ITSN2: variants seen among roughly 807,000 people sequenced by gnomAD.
The protein encoded by ITSN2 is intersectin-2.
ITSN2 carries 156 observed loss-of-function variants against 243.7 expected under a neutral mutation model. The observed-to-expected ratio is 0.64, with a 90% CI of 0.56 to 0.73. The LOEUF (loss-of-function observed/expected upper bound fraction) is 0.73. ITSN2 is among the 30% of genes least tolerant of loss of function. ITSN2 has a pLI of 0.00. For missense variants in ITSN2, 1,801 were observed against 1,996.1 expected (o/e 0.90, Z 1.86); for synonymous variants, 703 against 699.9 (o/e 1.00, Z -0.07).
intron 30 of ITSN2, among the ~76,000 whole-genome samples, chr2:24,218,385 T>C (rs1350289438): frequency 1.3e-5 from 2 of 152,234 alleles, no homozygotes; most frequent in African/African-American, 2.4e-5. Context: ...TGGAGCATCG[T>C]AGAGTTCTAG....
intron 20 of ITSN2, among the ~76,000 whole-genome samples, chr2:24,268,038 T>C (rs1024770752): frequency 1.3e-5 from 2 of 152,242 alleles, no homozygotes; most frequent in African/African-American, 4.8e-5. Flanking sequence ...TTAATTTACA[T>C]ACTGAGTTAA....
intron 1 of ITSN2, among the ~76,000 whole-genome samples, chr2:24,338,375 A>T (rs2151895234): frequency 6.6e-6 from 1 of 152,220 alleles, no homozygotes; most frequent in Admixed American, 6.5e-5. Context: ...TCTTAAATGT[A>T]TTTGATTGAA....
At chr2:24,322,242 G>A (rs1409055651) in intron 2 of ITSN2, among the ~76,000 whole-genome samples, 1 of 152,160 alleles carries the variant, frequency 6.6e-6, no homozygotes, top group East Asian at 1.9e-4. Context: ...CTTCAAGTAA[G>A]TCTCATAAGA....
Position 24,204,798 on chromosome 2 carries a change from G to A in ITSN2, c.4763-380C>T, listed in dbSNP as rs1160867702. 1 of 469,010 alleles carries A rather than the reference G, an allele frequency of 2.1e-6. No homozygotes were observed. Among genetic ancestry groups the A allele is most frequent in the Non-Finnish European group, 4.2e-6 (1 of 236,102 alleles). 29.1% of individuals were successfully genotyped at this position (469,010 alleles called of 1,614,324 possible). The stretch of plus-strand genomic sequence containing the variant: ...CCAATATGCGCATTTTAGTGGCACT[G>A]GACACACTGTTAGAAAGCATTCCTT... On this transcript the variant is annotated intron_variant, in intron 38 of 39. Coordinates refer to ENST00000355123, the MANE Select transcript of ITSN2 (RefSeq NM_006277.3). The surrounding 1 kb of genome is among the most constrained non-coding windows in gnomAD (Gnocchi z 5.1).
Position 24,284,059 on chromosome 2 carries a change from C to A in ITSN2, c.1944+704G>T, listed in dbSNP as rs892250353. Among the ~76,000 whole-genome samples the A allele has an allele frequency of 1.2e-4, 19 of 152,134 alleles. 1 individual carries two copies. ...GAATATATATGCATATAGGCAACTG[C>A]CCTATTGCTATCCATTTTAGTACTG... On this transcript the variant is annotated intron_variant, in intron 17 of 39. Transcript: ENST00000355123.
chr2:24,253,635 C>G (rs936174684), intron 24 of ITSN2, among the ~76,000 whole-genome samples: 5 of 152,268 alleles, frequency 3.3e-5, no homozygotes, highest in Non-Finnish European at 7.3e-5. Flanking sequence ...TTTATCACAA[C>G]TGTATGCTCC....
intron 2 of ITSN2, among the ~76,000 whole-genome samples, chr2:24,323,655 T>A (rs1452436153): frequency 6.6e-6 from 1 of 152,170 alleles, no homozygotes; most frequent in Non-Finnish European, 1.5e-5. Flanking sequence ...TATATATAGT[T>A]TTAGAAACTC....
At chr2:24,334,800 A>C (rs1360898346) in intron 1 of ITSN2, 1 of 1,298,682 alleles carries the variant, frequency 7.7e-7, no homozygotes, top group Non-Finnish European at 1.1e-6. Flanking sequence ...GCGGTGGCTC[A>C]CGCCTGTAAT....
chr2:24,354,557 T>C (rs1688283361), intron 1 of ITSN2, among the ~76,000 whole-genome samples: 1 of 152,208 alleles, frequency 6.6e-6, no homozygotes, highest in Non-Finnish European at 1.5e-5. Context: ...TTATATTACA[T>C]ATAACAACAC....
Position 24,310,354 on chromosome 2 carries a change from G to A in ITSN2, c.583C>T (p.Leu195=). ...STLPHGSSYS[L]MMGGFGGASI... ...GCACCTCCAAATCCTCCCATCATCA[G>A]ACTATAAGATGACCCATGAGGCAAT... Residue 195 remains leucine, a synonymous_variant, in exon 7 of 40, where the codon CTG becomes TTG. Coordinates refer to ENST00000355123, the MANE Select transcript of ITSN2 (RefSeq NM_006277.3). 1 of 1,613,386 alleles carries A rather than the reference G, an allele frequency of 6.2e-7. No homozygotes were observed. Among genetic ancestry groups the A allele is most frequent in the Non-Finnish European group, 8.5e-7 (1 of 1,179,792 alleles).
At chr2:24,308,101 T>C (rs1389005995) in intron 8 of ITSN2, among the ~76,000 whole-genome samples, 1 of 152,260 alleles carries the variant, frequency 6.6e-6, no homozygotes, top group Non-Finnish European at 1.5e-5. Flanking sequence ...TGTTCTCAAT[T>C]AGTACAGTTC....
intron 39 of ITSN2, 139 bp from the exon 40 acceptor site, chr2:24,203,922 G>C: frequency 4.8e-6 from 4 of 825,846 alleles, no homozygotes; most frequent in Non-Finnish European, 7.5e-6. Flanking sequence ...GTTGAATGTC[G>C]TGAGTGGGTG....
chr2:24,301,948 C>T lies in ITSN2; in HGVS notation c.995+17G>A. The T allele has an allele frequency of 6.3e-7, 1 of 1,598,378 alleles. No homozygotes were observed. Among genetic ancestry groups the T allele is most frequent in the South Asian group, 1.1e-5 (1 of 88,478 alleles). ...AAGTTATCAAAACCATAGTTCTCCA[C>T]CTCCAGGCACACTCACCTGAAAGAT... On this transcript the variant is annotated intron_variant, in intron 10 of 39. Coordinates refer to ENST00000355123, the MANE Select transcript of ITSN2 (RefSeq NM_006277.3).
At position 24,333,500 on chromosome 2, in the gene ITSN2, T is replaced by C. The variant is rs577128471; in HGVS notation, c.-33-5385A>G. Among the ~76,000 whole-genome samples, 41 of 152,350 alleles carry C rather than the reference T, an allele frequency of 2.7e-4. 1 individual carries two copies. Among genetic ancestry groups the C allele is most frequent in the African/African-American group, 9.4e-4 (39 of 41,592 alleles). On this transcript the variant is annotated intron_variant, in intron 1 of 39. Coordinates refer to ENST00000355123, the MANE Select transcript of ITSN2 (RefSeq NM_006277.3). Reference sequence around the variant, plus strand: ...ACTCTTCACAGGGGATGAAATGTAGTGACAGGCAATTTTGGCAAATTTGCA... The same window carrying C: ...ACTCTTCACAGGGGATGAAATGTAGCGACAGGCAATTTTGGCAAATTTGCA...
chr2:24,358,064 C>A (rs1205729312), intron 1 of ITSN2, among the ~76,000 whole-genome samples: 4 of 152,198 alleles, frequency 2.6e-5, no homozygotes, highest in Admixed American at 6.5e-5. Context: ...CAGGCGCACG[C>A]CACCATGCCA....
chr2:24,347,821 T>C (rs1687684274), intron 1 of ITSN2, among the ~76,000 whole-genome samples: 1 of 152,028 alleles, frequency 6.6e-6, no homozygotes, highest in Non-Finnish European at 1.5e-5. Flanking sequence ...TTTGTAATCC[T>C]AGCGCTTTTG....
intron 19 of ITSN2, among the ~76,000 whole-genome samples, chr2:24,271,332 CTG>C (rs751881742): frequency 2.0e-5 from 3 of 152,034 alleles, no homozygotes; most frequent in Admixed American, 1.3e-4. Context: ...TTTCAACAAA[CTG>C]TATCATTAAT....
chr2:24,271,618 G>A lies in ITSN2; in HGVS notation c.2257+148C>T, dbSNP rs1677356662. 7.0e-6 allele frequency: 7 copies of A among 1,003,838 alleles called. No homozygotes were observed. The South Asian group carries it at 1.9e-4, about 27-fold the overall frequency. 62.2% of individuals were successfully genotyped at this position (1,003,838 alleles called of 1,614,324 possible). A position where few individuals can be genotyped will look rare whatever the true frequency, so the allele number is the denominator to read the frequency against. On this transcript the variant is annotated intron_variant, in intron 19 of 39. Coordinates refer to ENST00000355123, the MANE Select transcript of ITSN2 (RefSeq NM_006277.3). Reference sequence around the variant, plus strand: ...TTCAGTCTGTTTTAATAAGCCTACTGCTTTTTATCCAAGTTTAATTTATAA... The same window carrying A: ...TTCAGTCTGTTTTAATAAGCCTACTACTTTTTATCCAAGTTTAATTTATAA...
At chr2:24,252,575 T>C (rs1037756428) in intron 24 of ITSN2, 64 bp from the exon 25 acceptor site, 15 of 1,248,782 alleles carry the variant, frequency 1.2e-5, no homozygotes, top group Non-Finnish European at 1.6e-5. Context: ...GAAAAAGAAA[T>C]TAGGTTATTC....
Sources: gnomAD v4.1 joint callset for allele counts (sites outside exome capture counted in the v4.1 genomes callset) on GRCh38, gnomAD v4.1.1 for gene constraint, Gnocchi (gnomAD v3.1) non-coding constraint, MANE v1.5 for transcripts, NCBI Gene and HGNC (gene_info 2026-07-23, HGNC 2026-07-21) for gene names.